Variants in AGBL2 observed in about 807,000 individuals in gnomAD.
The protein encoded by AGBL2 is AGBL carboxypeptidase 2.
In AGBL2, 87 loss-of-function variants were observed where a neutral mutation model predicts 103.0. That is an observed-to-expected ratio of 0.84 (90% confidence interval 0.71 to 1.01). The LOEUF (loss-of-function observed/expected upper bound fraction) is 1.01. AGBL2 is among the 50% of genes least tolerant of loss of function. The probability of loss-of-function intolerance (pLI) is 0.00; values close to 1 mark genes in which losing one functional copy is unlikely to be tolerated. For missense variants in AGBL2, 904 were observed against 1,023.5 expected, an observed-to-expected ratio of 0.88 and a Z score of 1.59; for synonymous variants, 335 against 356.7, an observed-to-expected ratio of 0.94 and a Z score of 0.69.
intron 14 of AGBL2, among the ~76,000 whole-genome samples, chr11:47,671,855 G>A (rs2097358551): frequency 1.3e-5 from 2 of 152,300 alleles, no homozygotes; most frequent in African/African-American, 2.4e-5. Flanking sequence ...GTCCCAGAAA[G>A]TGTCAAAACC....
intron 18 of AGBL2, 27 bp from the exon 19 acceptor site, chr11:47,660,373 G>T (rs1224405867): frequency 1.3e-6 from 2 of 1,581,910 alleles, no homozygotes; most frequent in Non-Finnish European, 1.7e-6. Flanking sequence ...TTAAAAAGTT[G>T]AATTCAGTTT....
chr11:47,687,361 TACAAAA>T (rs2097428071), intron 10 of AGBL2, among the ~76,000 whole-genome samples: 1 of 151,896 alleles, frequency 6.6e-6, no homozygotes, highest in African/African-American at 2.4e-5. Context: ...TGTTTTGTCC[TACAAAA>T]ATATAGCTCT....
chr11:47,662,094 C>T (rs1016127577), intron 18 of AGBL2, among the ~76,000 whole-genome samples: 1 of 152,110 alleles, frequency 6.6e-6, no homozygotes, highest in African/African-American at 2.4e-5. Flanking sequence ...CATGTGAGTG[C>T]AAATGAGCAT....
intron 4 of AGBL2, among the ~76,000 whole-genome samples, chr11:47,708,823 A>AG (rs2097528914): frequency 6.6e-6 from 1 of 151,132 alleles, no homozygotes; most frequent in African/African-American, 2.4e-5. Flanking sequence ...AAAAAAAAAA[A>AG]AAAAATTATC....
chr11:47,700,607 C>G (rs2097494678), intron 7 of AGBL2, among the ~76,000 whole-genome samples: 1 of 149,990 alleles, frequency 6.7e-6, no homozygotes, highest in South Asian at 2.1e-4. Context: ...AACAAACCAA[C>G]AAACAAACAA....
intron 18 of AGBL2, among the ~76,000 whole-genome samples, chr11:47,662,794 T>G (rs2097331499): frequency 6.6e-6 from 1 of 152,124 alleles, no homozygotes; most frequent in Admixed American, 6.6e-5. Flanking sequence ...GTGCCCGGCC[T>G]AAAACTTACT....
chr11:47,708,942 C>G (rs1160418019), intron 4 of AGBL2, among the ~76,000 whole-genome samples: 2 of 151,786 alleles, frequency 1.3e-5, no homozygotes, highest in Non-Finnish European at 2.9e-5. Flanking sequence ...GCTAACATGG[C>G]GAGACACTGT....
At chr11:47,709,281 A>T (rs1019175449) in intron 4 of AGBL2, among the ~76,000 whole-genome samples, 1 of 151,438 alleles carries the variant, frequency 6.6e-6, no homozygotes, top group Non-Finnish European at 1.5e-5. Context: ...AAGAGGAGCC[A>T]GGAGACCAAT....
intron 10 of AGBL2, 49 bp from the exon 11 acceptor site, chr11:47,686,098 A>G (rs1438605139): frequency 6.4e-7 from 1 of 1,569,488 alleles, no homozygotes; most frequent in Non-Finnish European, 8.7e-7. Flanking sequence ...AATGCATACA[A>G]ATAATTAAGG....
chr11:47,695,475 C>CAA (rs56047450), intron 8 of AGBL2, among the ~76,000 whole-genome samples: 11,494 of 75,838 alleles, frequency 0.15, 1,227 homozygotes, highest in Non-Finnish European at 0.18. Flanking sequence ...AACTCTGTCT[C>CAA]AAAAAAAAAA....
At chr11:47,702,055 A>G (rs2097501418) in intron 7 of AGBL2, among the ~76,000 whole-genome samples, 1 of 151,644 alleles carries the variant, frequency 6.6e-6, no homozygotes, top group Non-Finnish European at 1.5e-5. Flanking sequence ...GGAGGCTGAG[A>G]GGGGAGGATG....
intron 17 of AGBL2, among the ~76,000 whole-genome samples, chr11:47,663,368 A>G (rs953447151): frequency 3.2e-4 from 48 of 152,292 alleles, no homozygotes; most frequent in African/African-American, 8.4e-4. Flanking sequence ...GGATGTAGAT[A>G]TTATTACCTC....
At chr11:47,687,815 T>C (rs573851140) in intron 10 of AGBL2, among the ~76,000 whole-genome samples, 106 of 150,122 alleles carry the variant, frequency 7.1e-4, no homozygotes, top group African/African-American at 2.2e-3. Flanking sequence ...TTCTTTTTTT[T>C]TTTTTTTGTT....
intron 4 of AGBL2, among the ~76,000 whole-genome samples, chr11:47,708,787 C>T (rs2097528780): frequency 6.8e-6 from 1 of 148,082 alleles, no homozygotes; most frequent in African/African-American, 2.5e-5. Flanking sequence ...GCACTCTAGC[C>T]TTTTGACAGA....
At chr11:47,660,416 G>A in intron 18 of AGBL2, 70 bp from the exon 19 acceptor site, 1 of 1,470,112 alleles carries the variant, frequency 6.8e-7, no homozygotes, top group South Asian at 1.3e-5. Context: ...AGTTAGGGTT[G>A]GGGTTGGCTT....
At chr11:47,689,081 T>C (rs1352898536) in intron 10 of AGBL2, among the ~76,000 whole-genome samples, 2 of 152,172 alleles carry the variant, frequency 1.3e-5, no homozygotes, top group East Asian at 3.9e-4. Context: ...GGCATGAAAA[T>C]TCCTTTAAGG....
intron 8 of AGBL2, 122 bp downstream of exon 8, chr11:47,699,324 G>T: frequency 1.9e-6 from 1 of 528,696 alleles, no homozygotes; most frequent in Non-Finnish European, 3.1e-6. Flanking sequence ...TCCCACTCAT[G>T]TTGGCCTGGA....
At chr11:47,711,856 G>GT (rs540633264) in intron 3 of AGBL2, among the ~76,000 whole-genome samples, 43 of 152,218 alleles carry the variant, frequency 2.8e-4, no homozygotes, top group African/African-American at 9.9e-4. Context: ...ACTTTGTATG[G>GT]AAAGTAAAAA....
intron 9 of AGBL2, among the ~76,000 whole-genome samples, chr11:47,691,710 GAAAAA>G (rs1225683970): frequency 7.5e-4 from 1 of 1,328 alleles, no homozygotes; most frequent in African/African-American, 1.2e-3. Flanking sequence ...TCCATCTCAA[GAAAAA>G]AAAAAAAAAA....
Sources: allele counts gnomAD v4.1 joint callset (sites outside exome capture counted in the v4.1 genomes callset), GRCh38; gene constraint gnomAD v4.1.1; transcripts MANE v1.5; gene names NCBI Gene and HGNC (gene_info 2026-07-23, HGNC 2026-07-21).